Variants in CLSTN2 observed in about 807,000 individuals in gnomAD.
CLSTN2 encodes the protein calsyntenin-2.
Under a neutral mutation model 101.2 loss-of-function variants are expected in CLSTN2, and 48 were observed. The ratio of observed to expected loss-of-function variants is 0.47; its 90% CI spans 0.38 to 0.60. CLSTN2 has a LOEUF of 0.60. CLSTN2 is among the 20% of genes least tolerant of loss of function. The pLI is 0.00. For missense variants in CLSTN2, 1,160 were observed against 1,238.2 expected (o/e 0.94, Z 0.95); for synonymous variants, 481 against 463.6 (o/e 1.04, Z -0.48).
intron 2 of CLSTN2, among the ~76,000 whole-genome samples, chr3:140,373,530 C>T (rs1231335628): frequency 1.3e-5 from 2 of 152,182 alleles, no homozygotes; most frequent in African/African-American, 4.8e-5. Context: ...GACCAAAAGC[C>T]CAGAACAAAT....
At chr3:140,257,893 G>T (rs1180392583) in intron 2 of CLSTN2, among the ~76,000 whole-genome samples, 1 of 151,876 alleles carries the variant, frequency 6.6e-6, no homozygotes, top group Non-Finnish European at 1.5e-5. Context: ...CAAATAACTG[G>T]GTCAAAAGAT....
At chr3:140,486,107 C>A (rs1020660181) in intron 8 of CLSTN2, among the ~76,000 whole-genome samples, 5 of 151,474 alleles carry the variant, frequency 3.3e-5, no homozygotes, top group East Asian at 2.0e-4. Context: ...AAGATAAACT[C>A]TTAAGAGCAC....
chr3:140,079,953 G>A (rs1004277957), intron 1 of CLSTN2, among the ~76,000 whole-genome samples: 1 of 152,044 alleles, frequency 6.6e-6, no homozygotes, highest in African/African-American at 2.4e-5. Flanking sequence ...AATGGCAGGA[G>A]GAATTAACAT....
chr3:140,136,077 T>C (rs1378090785), intron 1 of CLSTN2, among the ~76,000 whole-genome samples: 2 of 152,182 alleles, frequency 1.3e-5, no homozygotes, highest in Non-Finnish European at 2.9e-5. Context: ...TTAAATAGAG[T>C]GAGGCTGATT....
At chr3:140,377,598 G>T (rs999894981) in intron 2 of CLSTN2, among the ~76,000 whole-genome samples, 1 of 151,852 alleles carries the variant, frequency 6.6e-6, no homozygotes. Flanking sequence ...AAAATAAATT[G>T]CAAAAGTAGA....
chr3:140,311,287 C>CTTTTTTTTTTTTTTTTTTTTTT (rs750088450), intron 2 of CLSTN2, among the ~76,000 whole-genome samples: 2 of 52,080 alleles, frequency 3.8e-5, no homozygotes, highest in African/African-American at 1.9e-4. Flanking sequence ...GTTTATTATC[C>CTTTTTTTTTTTTTTTTTTTTTT]TTTTTTTTTT....
At chr3:140,313,937 T>C (rs1315445049) in intron 2 of CLSTN2, among the ~76,000 whole-genome samples, 5 of 152,148 alleles carry the variant, frequency 3.3e-5, no homozygotes, top group Non-Finnish European at 7.4e-5. Flanking sequence ...CCCTTTGACC[T>C]GCCCCAGTAC....
intron 2 of CLSTN2, among the ~76,000 whole-genome samples, chr3:140,209,019 T>C (rs1388932385): frequency 6.6e-6 from 1 of 152,192 alleles, no homozygotes; most frequent in Non-Finnish European, 1.5e-5. Flanking sequence ...TAACCCCAAG[T>C]GTCCTCACAT....
At chr3:140,355,309 T>C (rs1225658562) in intron 2 of CLSTN2, among the ~76,000 whole-genome samples, 1 of 152,218 alleles carries the variant, frequency 6.6e-6, no homozygotes, top group Non-Finnish European at 1.5e-5. Flanking sequence ...AGGAAATTTG[T>C]CTACAATTTT....
chr3:140,480,505 C>A (rs1934091485), intron 8 of CLSTN2, among the ~76,000 whole-genome samples: 1 of 152,144 alleles, frequency 6.6e-6, no homozygotes, highest in Non-Finnish European at 1.5e-5. Flanking sequence ...AGTTCTAGAT[C>A]CCTGAGGAAT....
chr3:140,372,888 G>T (rs1485205613), intron 2 of CLSTN2, among the ~76,000 whole-genome samples: 1 of 152,126 alleles, frequency 6.6e-6, no homozygotes, highest in Admixed American at 6.5e-5. Flanking sequence ...ATGACATAGA[G>T]AAACCCCTTC....
At chr3:140,423,346 T>A (rs2088526892) in intron 5 of CLSTN2, among the ~76,000 whole-genome samples, 2 of 152,154 alleles carry the variant, frequency 1.3e-5, no homozygotes, top group African/African-American at 4.8e-5. Context: ...ATGTCTCCAG[T>A]GCCCAGCACA....
At chr3:139,986,985 G>A (rs1936035489) in intron 1 of CLSTN2, among the ~76,000 whole-genome samples, 1 of 152,024 alleles carries the variant, frequency 6.6e-6, no homozygotes, top group South Asian at 2.1e-4. Flanking sequence ...CACTCTCCTT[G>A]ACTTAAAATT....
At chr3:140,296,067 T>C (rs943029437) in intron 2 of CLSTN2, among the ~76,000 whole-genome samples, 2 of 152,192 alleles carry the variant, frequency 1.3e-5, no homozygotes, top group African/African-American at 4.8e-5. Context: ...TATCTGGATT[T>C]ATTTATGAAC....
chr3:139,958,429 T>C (rs779948506), intron 1 of CLSTN2, among the ~76,000 whole-genome samples: 13 of 152,202 alleles, frequency 8.5e-5, no homozygotes, highest in Non-Finnish European at 1.9e-4. Context: ...TCTGCCTCAG[T>C]GATTACTTTT....
chr3:140,200,160 A>G (rs2010700018), intron 2 of CLSTN2, among the ~76,000 whole-genome samples: 1 of 152,312 alleles, frequency 6.6e-6, no homozygotes, highest in Non-Finnish European at 1.5e-5. Flanking sequence ...ACCAGTCCCA[A>G]GTTTGATCTT....
intron 1 of CLSTN2, among the ~76,000 whole-genome samples, chr3:140,034,950 G>A (rs2007626605): frequency 6.6e-6 from 1 of 152,210 alleles, no homozygotes; most frequent in Non-Finnish European, 1.5e-5. Context: ...TGGGCAAGAA[G>A]CAGTCTATCC....
At position 140,511,494 on chromosome 3, in the gene CLSTN2, A is replaced by C. The variant is rs371794129; in HGVS notation, c.1345-20830A>C. Reference sequence around the variant, plus strand: ...ATTTATGCTCCCACCAACAGTGTAAAAGCATTCTCTTACTCTGCAACTGTG... The same window carrying C: ...ATTTATGCTCCCACCAACAGTGTAACAGCATTCTCTTACTCTGCAACTGTG... On this transcript the variant is annotated intron_variant, in intron 8 of 16. Coordinates refer to ENST00000458420, the MANE Select transcript of CLSTN2 (RefSeq NM_022131.3). 3.6e-4 allele frequency among the ~76,000 whole-genome samples: 55 copies of C among 151,636 alleles called. 2 individuals carry two copies. Among genetic ancestry groups the C allele is most frequent in the East Asian group, 3.5e-3 (18 of 5,180 alleles).
At position 140,138,109 on chromosome 3, in the gene CLSTN2, A is replaced by C. The variant is rs564935165; in HGVS notation, c.110-37842A>C. Among the ~76,000 whole-genome samples, 8 of 152,334 alleles carry C rather than the reference A, an allele frequency of 5.3e-5. No homozygotes were observed. The East Asian group carries it at 1.5e-3, about 29-fold the overall frequency. Reference sequence around the variant, plus strand: ...ATTACACTTACCCTTGCTTAAAGGTAAATGTCATTTGAGACGTGACATCTC... The same window carrying C: ...ATTACACTTACCCTTGCTTAAAGGTCAATGTCATTTGAGACGTGACATCTC... On this transcript the variant is annotated intron_variant, in intron 1 of 16. Coordinates refer to ENST00000458420, the MANE Select transcript of CLSTN2 (RefSeq NM_022131.3).
Sources: allele counts gnomAD v4.1 joint callset (sites outside exome capture counted in the v4.1 genomes callset), GRCh38; gene constraint gnomAD v4.1.1; transcripts MANE v1.5; gene names NCBI Gene and HGNC (gene_info 2026-07-23, HGNC 2026-07-21).